SPINK5: variants seen among roughly 807,000 people sequenced by gnomAD.
SPINK5 encodes serine peptidase inhibitor Kazal type 5.
Under a neutral mutation model 151.8 loss-of-function variants are expected in SPINK5, and 125 were observed. The observed-to-expected ratio is 0.82, with a 90% CI of 0.71 to 0.96. The LOEUF is 0.96. Ranked by LOEUF, SPINK5 falls within the 40% of genes least tolerant of loss-of-function variation. SPINK5 has a pLI of 0.00. For missense variants in SPINK5, 1,194 were observed against 1,291.9 expected (o/e 0.92, Z 1.16); for synonymous variants, 374 against 395.3 (o/e 0.95, Z 0.64).
intron 4 of SPINK5, among the ~76,000 whole-genome samples, chr5:148,072,532 C>A (rs550338948): frequency 6.6e-6 from 1 of 152,070 alleles, no homozygotes; most frequent in Admixed American, 6.6e-5. Context: ...CAAAGAAGAG[C>A]TTTCCTGGGA....
At chr5:148,100,731 A>C in intron 13 of SPINK5, 150 bp downstream of exon 13, 1 of 874,842 alleles carries the variant, frequency 1.1e-6, no homozygotes, top group Non-Finnish European at 1.8e-6. Flanking sequence ...CATGTATTTG[A>C]AAATCCATGT....
chr5:148,092,758 G>A (rs1460575354), intron 8 of SPINK5, among the ~76,000 whole-genome samples: 1 of 151,798 alleles, frequency 6.6e-6, no homozygotes, highest in African/African-American at 2.4e-5. Flanking sequence ...ACTGTCTTCT[G>A]CTTCTCTATT....
rs2112767 is a variant in SPINK5, at chr5:148,125,664, G to A, written c.2740-59G>A. 975,067 of 1,613,848 alleles carry A rather than the reference G, an allele frequency of 0.6. 298,507 individuals are homozygous for A. Among genetic ancestry groups the A allele is most frequent in the Admixed American group, 0.71 (42,601 of 60,000 alleles). On this transcript the variant is annotated intron_variant, in intron 28 of 32. Coordinates refer to ENST00000256084, the MANE Select transcript of SPINK5 (RefSeq NM_006846.4). Reference sequence around the variant, plus strand: ...AGGACTTCCTAAAACCAAGTTTGAAGAAATCACTAAGCCAAAAAGGGACAA... The same window carrying A: ...AGGACTTCCTAAAACCAAGTTTGAAAAAATCACTAAGCCAAAAAGGGACAA...
At position 148,110,564 on chromosome 5, in the gene SPINK5, A is replaced by G. The variant is rs568730024; in HGVS notation, c.1693-1204A>G. On this transcript the variant is annotated intron_variant, in intron 18 of 32. Transcript: ENST00000256084. ...TGTATTATAACTTATAGTTGCCTCTATGTGTTTTCTTCAAAGAAATTAAAA... is the reference window on the plus strand; with the variant it reads ...TGTATTATAACTTATAGTTGCCTCTGTGTGTTTTCTTCAAAGAAATTAAAA... Among the ~76,000 whole-genome samples the G allele has an allele frequency of 1.6e-4, 24 of 152,264 alleles. No homozygotes were observed. In the South Asian group the frequency reaches 2.9e-3, roughly 18 times the overall value.
At chr5:148,081,275 G>A (rs6896308) in intron 4 of SPINK5, among the ~76,000 whole-genome samples, 8,151 of 151,656 alleles carry the variant, frequency 0.054, 720 homozygotes, top group African/African-American at 0.18. Flanking sequence ...GGAATTCAGT[G>A]AAGTGAAAAT....
intron 32 of SPINK5, among the ~76,000 whole-genome samples, chr5:148,135,852 A>G (rs1418860951): frequency 6.6e-6 from 1 of 152,088 alleles, no homozygotes; most frequent in Non-Finnish European, 1.5e-5. Flanking sequence ...GTATCTTGGA[A>G]CCCACTCTTT....
chr5:148,066,954 G>A (rs961944475), intron 2 of SPINK5, among the ~76,000 whole-genome samples: 55 of 152,162 alleles, frequency 3.6e-4, no homozygotes, highest in African/African-American at 1.3e-3. Context: ...TACTGTGTCA[G>A]AAATGAAAAC....
chr5:148,065,572 C>G (rs1561669947), intron 2 of SPINK5, 200 bp downstream of exon 2: 6 of 495,840 alleles, frequency 1.2e-5, no homozygotes, highest in Non-Finnish European at 1.8e-5. Context: ...CACACACACA[C>G]TCAACATATT....
intron 22 of SPINK5, among the ~76,000 whole-genome samples, chr5:148,117,842 C>T (rs1011374610): frequency 2.6e-5 from 4 of 152,162 alleles, no homozygotes; most frequent in African/African-American, 9.7e-5. Flanking sequence ...CAAGGGGAAA[C>T]TGTAGTTTGC....
chr5:148,124,057 C>T, intron 27 of SPINK5, 97 bp downstream of exon 27: 4 of 1,345,582 alleles, frequency 3.0e-6, no homozygotes, highest in Non-Finnish European at 4.2e-6. Flanking sequence ...TGGCATCACA[C>T]ATTAATGATA....
At chr5:148,133,771 T>C (rs1350001063) in intron 31 of SPINK5, 26 bp from the exon 32 acceptor site, 3 of 1,611,736 alleles carry the variant, frequency 1.9e-6, no homozygotes, top group Non-Finnish European at 2.5e-6. Flanking sequence ...TTCCTCGTTG[T>C]TGAAGCATCC....
At chr5:148,100,183 G>A (rs529756853) in intron 12 of SPINK5, among the ~76,000 whole-genome samples, 45 of 151,926 alleles carry the variant, frequency 3.0e-4, no homozygotes, top group African/African-American at 1.0e-3. Flanking sequence ...CTGTATGTTC[G>A]TACCTATTTT....
intron 8 of SPINK5, among the ~76,000 whole-genome samples, chr5:148,094,098 C>T (rs755135932): frequency 5.7e-4 from 86 of 151,794 alleles, no homozygotes; most frequent in Middle Eastern, 3.2e-3. Flanking sequence ...AATTCAAGAC[C>T]AGCCCGGGCA....
intron 15 of SPINK5, among the ~76,000 whole-genome samples, chr5:148,102,421 G>C (rs1429581477): frequency 6.6e-6 from 1 of 152,062 alleles, no homozygotes; most frequent in Non-Finnish European, 1.5e-5. Flanking sequence ...AGTATCATGA[G>C]ACAACTATGT....
chr5:148,072,283 T>C, intron 4 of SPINK5, 63 bp downstream of exon 4: 4 of 1,533,654 alleles, frequency 2.6e-6, no homozygotes, highest in Non-Finnish European at 3.6e-6. Context: ...TTTAGAGCTA[T>C]CTGTTTATTC....
chr5:148,127,153 C>A, intron 30 of SPINK5, 74 bp downstream of exon 30: 1 of 1,333,700 alleles, frequency 7.5e-7, no homozygotes, highest in South Asian at 1.2e-5. Flanking sequence ...TTGCTATTTG[C>A]TATTTTCATA....
chr5:148,111,687 T>C, intron 18 of SPINK5, 81 bp from the exon 19 acceptor site: 1 of 1,604,150 alleles, frequency 6.2e-7, no homozygotes, highest in Non-Finnish European at 8.5e-7. Flanking sequence ...TATGTTTTAG[T>C]TTTTAAAGCA....
chr5:148,127,851 C>T (rs192698023), intron 30 of SPINK5, among the ~76,000 whole-genome samples: 71 of 152,232 alleles, frequency 4.7e-4, no homozygotes, highest in Admixed American at 1.5e-3. Flanking sequence ...GAACAGGACC[C>T]CACCCTTCTC....
chr5:148,103,625 T>A (rs1753703973), intron 15 of SPINK5, among the ~76,000 whole-genome samples: 1 of 152,176 alleles, frequency 6.6e-6, no homozygotes, highest in Non-Finnish European at 1.5e-5. Flanking sequence ...ATTTTAGATC[T>A]ATTTTAGTCA....
Sources: allele counts gnomAD v4.1 joint callset (sites outside exome capture counted in the v4.1 genomes callset), GRCh38; gene constraint gnomAD v4.1.1; transcripts MANE v1.5; gene names NCBI Gene and HGNC (gene_info 2026-07-23, HGNC 2026-07-21).